Variants in HPGDS observed in about 807,000 individuals in gnomAD.
HPGDS encodes hematopoietic prostaglandin D synthase.
In HPGDS, 26 loss-of-function variants were observed where a neutral mutation model predicts 23.1. That is an observed-to-expected ratio of 1.13 (90% confidence interval 0.83 to 1.56). The LOEUF (loss-of-function observed/expected upper bound fraction) is 1.56. Among genes scored for constraint, HPGDS ranks in the 40% most tolerant of loss-of-function variants. The pLI is 0.00. For synonymous variants in HPGDS, 95 were observed against 77.9 expected (o/e 1.22, Z -1.16); for missense variants, 268 against 236.4 (o/e 1.13, Z -0.88).
chr4:94,331,437 T>C (rs1448206132), intron 2 of HPGDS, among the ~76,000 whole-genome samples: 2 of 152,144 alleles, frequency 1.3e-5, no homozygotes, highest in Non-Finnish European at 2.9e-5. Context: ...CAAATATCTA[T>C]TGATTTTTGA....
rs1560597992 is a variant in HPGDS, at chr4:94,340,309, C to CTTTCTTTCTTTCTT, written c.-10+2485_-10+2486insAAGAAAGAAAGAAA. Among the ~76,000 whole-genome samples, 214 of 28,782 alleles carry CTTTCTTTCTTTCTT rather than the reference C, an allele frequency of 7.4e-3. 14 individuals are homozygous for CTTTCTTTCTTTCTT. The highest frequency in any genetic ancestry group is 0.033 in the Middle Eastern group (1 of 30). 18.9% of individuals were successfully genotyped at this position (28,782 alleles called of 152,430 possible). A position where few individuals can be genotyped will look rare whatever the true frequency, so the allele number is the denominator to read the frequency against. ...TCTTTCTTTCTTTCTTTCTTTCTTTCTCTTTTTTTTTTTTTTTTTTTTTTT... is the reference window on the plus strand; with the variant it reads ...TCTTTCTTTCTTTCTTTCTTTCTTTCTTTCTTTCTTTCTTTCTTTTTTTTTTTTTTTTTTTTTTT... On this transcript the variant is annotated intron_variant, in intron 1 of 5. Coordinates refer to ENST00000295256, the MANE Select transcript of HPGDS (RefSeq NM_014485.3).
At chr4:94,301,954 TA>T (rs1756048469) in intron 5 of HPGDS, among the ~76,000 whole-genome samples, 191 bp downstream of exon 5, 1 of 152,160 alleles carries the variant, frequency 6.6e-6, no homozygotes, top group Non-Finnish European at 1.5e-5. Context: ...GCTGCCAATA[TA>T]TAATTATATA....
intron 3 of HPGDS, among the ~76,000 whole-genome samples, chr4:94,309,485 T>A (rs1399590633): frequency 6.6e-6 from 1 of 152,126 alleles, no homozygotes; most frequent in Admixed American, 6.5e-5. Flanking sequence ...CTGCATAGTA[T>A]TCCATGGTGT....
At chr4:94,316,347 G>A (rs752418666) in intron 3 of HPGDS, among the ~76,000 whole-genome samples, 1 of 149,642 alleles carries the variant, frequency 6.7e-6, no homozygotes, top group African/African-American at 2.5e-5. Flanking sequence ...ACATGGCAAC[G>A]TCTATCTACT....
chr4:94,301,712 TACC>T (rs1457567291), intron 5 of HPGDS, among the ~76,000 whole-genome samples: 1 of 152,160 alleles, frequency 6.6e-6, no homozygotes, highest in South Asian at 2.1e-4. Flanking sequence ...TAGTTTGTAG[TACC>T]ACCAACAATA....
At chr4:94,301,350 G>T (rs1450289709) in intron 5 of HPGDS, among the ~76,000 whole-genome samples, 1 of 152,182 alleles carries the variant, frequency 6.6e-6, no homozygotes, top group Non-Finnish European at 1.5e-5. Context: ...ACTTTTTTGT[G>T]ATTATTGATG....
At chr4:94,335,640 A>G (rs1325512844) in intron 1 of HPGDS, among the ~76,000 whole-genome samples, 1 of 152,238 alleles carries the variant, frequency 6.6e-6, no homozygotes, top group Non-Finnish European at 1.5e-5. Context: ...TAAGGTACGT[A>G]GCACAATGGC....
intron 3 of HPGDS, among the ~76,000 whole-genome samples, chr4:94,309,773 A>C (rs893382061): frequency 6.6e-6 from 1 of 151,506 alleles, no homozygotes; most frequent in African/African-American, 2.4e-5. Context: ...CTATTTCTCC[A>C]CATCCTCTCC....
chr4:94,320,818 T>C (rs1269665500), intron 2 of HPGDS, among the ~76,000 whole-genome samples: 1 of 152,232 alleles, frequency 6.6e-6, no homozygotes, highest in African/African-American at 2.4e-5. Context: ...TTTGGTGTTT[T>C]AGTCATGAAG....
At chr4:94,322,197 T>A (rs1462734670) in intron 2 of HPGDS, among the ~76,000 whole-genome samples, 1 of 148,084 alleles carries the variant, frequency 6.8e-6, no homozygotes, top group Non-Finnish European at 1.5e-5. Context: ...CCCATCGATG[T>A]TCATCAGGGA....
intron 3 of HPGDS, among the ~76,000 whole-genome samples, chr4:94,317,185 A>G (rs1756413823): frequency 6.6e-6 from 1 of 152,144 alleles, no homozygotes; most frequent in Non-Finnish European, 1.5e-5. Context: ...GATTCTACAG[A>G]TTGATTGAAA....
At position 94,302,145 on chromosome 4, in the gene HPGDS, CAG is replaced by C. The variant is rs754404605; in HGVS notation, c.434_435del (p.Ser145CysfsTer19). 47 of 1,589,910 alleles carry C rather than the reference CAG, an allele frequency of 3.0e-5. No homozygotes were observed. Among genetic ancestry groups the C allele is most frequent in the Non-Finnish European group, 4.0e-5 (46 of 1,158,854 alleles). On this transcript the variant is annotated frameshift_variant and splice_region_variant, in exon 5 of 6. Coordinates refer to ENST00000295256, the MANE Select transcript of HPGDS (RefSeq NM_014485.3). LOFTEE classifies it high-confidence loss of function. ...LGGREWLIGN[S>X]VTWADFYWEI... ...TTTTTTAAGATATAAAACATACTCACAGAGTTACCAATAAGCCATTCTCTCCC... is the reference window on the plus strand; with the variant it reads ...TTTTTTAAGATATAAAACATACTCACAGTTACCAATAAGCCATTCTCTCCC...
chr4:94,300,813 T>TAA (rs1210925345), intron 5 of HPGDS, among the ~76,000 whole-genome samples: 1 of 151,812 alleles, frequency 6.6e-6, no homozygotes. Context: ...GGCTTAAATA[T>TAA]AAAAAAAGAT....
chr4:94,337,201 C>T (rs1307928990), intron 1 of HPGDS, among the ~76,000 whole-genome samples: 3 of 152,010 alleles, frequency 2.0e-5, no homozygotes, highest in South Asian at 4.1e-4. Context: ...GGTCTCCCAA[C>T]CTCAGGTAAT....
At position 94,334,650 on chromosome 4, in the gene HPGDS, A is replaced by C; in HGVS notation, c.-9-12T>G. ...GGCATGGTGCAATTCTGGAAAAAGAAAAAGGGAGGGATTATTTTAAGAGCC... is the reference window on the plus strand; with the variant it reads ...GGCATGGTGCAATTCTGGAAAAAGACAAAGGGAGGGATTATTTTAAGAGCC... On this transcript the variant is annotated splice_polypyrimidine_tract_variant and intron_variant, in intron 1 of 5. Transcript: ENST00000295256. The C allele has an allele frequency of 6.2e-7, 1 of 1,604,916 alleles. No homozygotes were observed. The highest frequency in any genetic ancestry group is 8.5e-7 in the Non-Finnish European group (1 of 1,177,454).
At chr4:94,307,724 A>G (rs1376311127) in intron 4 of HPGDS, among the ~76,000 whole-genome samples, 3 of 152,164 alleles carry the variant, frequency 2.0e-5, no homozygotes, top group South Asian at 2.1e-4. Context: ...GGAAAATCGT[A>G]TTGGCAGGCT....
chr4:94,325,040 T>G (rs1238000730), intron 2 of HPGDS, among the ~76,000 whole-genome samples: 1 of 152,200 alleles, frequency 6.6e-6, no homozygotes, highest in Admixed American at 6.5e-5. Flanking sequence ...TCTGCTGGAG[T>G]TTGCTGGAGG....
At chr4:94,303,545 T>C (rs1171857355) in intron 4 of HPGDS, among the ~76,000 whole-genome samples, 1 of 152,146 alleles carries the variant, frequency 6.6e-6, no homozygotes, top group Non-Finnish European at 1.5e-5. Flanking sequence ...GTTCTTTCCC[T>C]TGTTCTATAA....
chr4:94,322,687 AT>A (rs1756540531), intron 2 of HPGDS, among the ~76,000 whole-genome samples: 1 of 151,802 alleles, frequency 6.6e-6, no homozygotes, highest in Non-Finnish European at 1.5e-5. Flanking sequence ...CAGTCTATCA[AT>A]TTTGTTGATC....
Sources: allele counts gnomAD v4.1 joint callset (sites outside exome capture counted in the v4.1 genomes callset), GRCh38; gene constraint gnomAD v4.1.1; transcripts MANE v1.5; gene names NCBI Gene and HGNC (gene_info 2026-07-23, HGNC 2026-07-21).